Variants in CASS4 observed in about 807,000 individuals in gnomAD.
The protein encoded by CASS4 is Cas scaffold protein family member 4, also known as cas scaffolding protein family member 4.
A neutral mutation model predicts 54.2 loss-of-function variants in CASS4; 22 were observed. The ratio of observed to expected loss-of-function variants is 0.41; its 90% CI spans 0.29 to 0.58. CASS4 has a LOEUF of 0.58. CASS4 is among the 20% of genes least tolerant of loss of function. The probability of loss-of-function intolerance (pLI) is 0.36; values close to 1 mark genes in which losing one functional copy is unlikely to be tolerated. For missense variants in CASS4, 854 were observed against 986.7 expected, an observed-to-expected ratio of 0.87 and a Z score of 1.80; for synonymous variants, 409 against 391.5, an observed-to-expected ratio of 1.04 and a Z score of -0.53.
At chr20:56,455,696 G>A (rs1054862098) in intron 5 of CASS4, among the ~76,000 whole-genome samples, 39 of 152,280 alleles carry the variant, frequency 2.6e-4, no homozygotes, top group African/African-American at 7.9e-4. Flanking sequence ...TTGGGAGGCC[G>A]AGGCGGGTGG....
Position 56,458,363 on chromosome 20 carries a change from G to A in CASS4, c.1977G>A (p.Gln659=), listed in dbSNP as rs1331034271. 2.5e-6 allele frequency: 4 copies of A among 1,612,656 alleles called. No individual in the cohort carries two copies. The highest frequency in any genetic ancestry group is 2.7e-5 in the African/African-American group (2 of 74,826). The change falls in exon 6 of 6, where the codon CAG becomes CAA. Residue 659 remains glutamine, a synonymous_variant. Transcript: ENST00000679887. ...CGQNPGPLIP[Q]PSSQQTPERK... Reference sequence around the variant, plus strand: ...AGAATCCTGGCCCTCTTATACCTCAGCCTTCGAGTCAACAGACTCCTGAGA... The same window carrying A: ...AGAATCCTGGCCCTCTTATACCTCAACCTTCGAGTCAACAGACTCCTGAGA...
chr20:56,435,624 T>A (rs781416926), intron 1 of CASS4, among the ~76,000 whole-genome samples: 2 of 152,248 alleles, frequency 1.3e-5, no homozygotes, highest in Admixed American at 6.5e-5. Flanking sequence ...CGACTTTTTT[T>A]AGAACTGTGT....
intron 2 of CASS4, among the ~76,000 whole-genome samples, chr20:56,442,950 T>A (rs1281909165): frequency 6.6e-6 from 1 of 151,808 alleles, no homozygotes; most frequent in East Asian, 1.9e-4. Context: ...GAAAGTCCCT[T>A]TGCTCTGTGG....
intron 1 of CASS4, among the ~76,000 whole-genome samples, chr20:56,429,507 ACAGCAT>A (rs1192989876): frequency 1.3e-5 from 2 of 152,048 alleles, no homozygotes; most frequent in East Asian, 3.9e-4. Context: ...CCACCTATAA[ACAGCAT>A]CCGCTATGGA....
At chr20:56,435,535 A>G (rs55896430) in intron 1 of CASS4, among the ~76,000 whole-genome samples, 2,221 of 152,322 alleles carry the variant, frequency 0.015, 28 homozygotes, top group African/African-American at 0.026. Context: ...AAACCTAAAG[A>G]AACAAGTTGC....
Position 56,414,910 on chromosome 20 carries a change from A to G in CASS4, c.36+2416A>G, listed in dbSNP as rs982786923. 1.3e-5 allele frequency among the ~76,000 whole-genome samples: 2 copies of G among 152,188 alleles called. No individual in the cohort carries two copies. ...TAGCCAACCCTTACCGATTGTCTACATGTGAGGCCCTGTGCTGAGTGCTCT... is the reference window on the plus strand; with the variant it reads ...TAGCCAACCCTTACCGATTGTCTACGTGTGAGGCCCTGTGCTGAGTGCTCT... On this transcript the variant is annotated intron_variant, in intron 1 of 5. Transcript: ENST00000679887. The surrounding 1 kb of genome is among the most constrained non-coding windows in gnomAD (Gnocchi z 4.1).
intron 1 of CASS4, among the ~76,000 whole-genome samples, chr20:56,419,897 G>A (rs1979333479): frequency 1.3e-5 from 2 of 152,166 alleles, no homozygotes; most frequent in African/African-American, 4.8e-5. Flanking sequence ...ACAAAAATTA[G>A]CTGGGCTTGG....
rs930994900 is a variant in CASS4 at position 56,452,262 on chromosome 20, T to A, written c.1086T>A (p.Ala362=). 2 of 1,613,830 alleles carry A rather than the reference T, an allele frequency of 1.2e-6. No individual in the cohort carries two copies. The highest frequency in any genetic ancestry group is 1.7e-6 in the Non-Finnish European group (2 of 1,180,038). Residue 362 remains alanine, a synonymous_variant, in exon 5 of 6, where the codon GCT becomes GCA. Coordinates refer to ENST00000679887, the MANE Select transcript of CASS4 (RefSeq NM_020356.4). Reference sequence around the variant, plus strand: ...AAGCAACGTCGAGTGTTTCTCAGGCTGGGAAGGAGCTGGAGAAAGCCAAGG... The same window carrying A: ...AAGCAACGTCGAGTGTTTCTCAGGCAGGGAAGGAGCTGGAGAAAGCCAAGG... ...IPKATSSVSQ[A]GKELEKAKEV...
intron 2 of CASS4, among the ~76,000 whole-genome samples, chr20:56,442,394 A>G (rs1980503080): frequency 6.6e-6 from 1 of 151,562 alleles, no homozygotes; most frequent in Non-Finnish European, 1.5e-5. Flanking sequence ...GACTTCCATC[A>G]CCCCCCAAAA....
At chr20:56,454,425 C>A (rs1981189006) in intron 5 of CASS4, among the ~76,000 whole-genome samples, 2 of 152,168 alleles carry the variant, frequency 1.3e-5, no homozygotes, top group South Asian at 4.1e-4. Context: ...AATTTACATA[C>A]ACATATATAT....
At chr20:56,435,492 G>T (rs1177579908) in intron 1 of CASS4, among the ~76,000 whole-genome samples, 2 of 152,116 alleles carry the variant, frequency 1.3e-5, no homozygotes, top group African/African-American at 4.8e-5. Flanking sequence ...AACATGTATT[G>T]ATATAAAAAG....
At chr20:56,431,394 G>A (rs372552802) in intron 1 of CASS4, among the ~76,000 whole-genome samples, 20 of 152,126 alleles carry the variant, frequency 1.3e-4, no homozygotes, top group African/African-American at 4.8e-4. Context: ...TTAATTGATT[G>A]CATGAGCTGT....
At chr20:56,438,173 A>G (rs897948190) in intron 2 of CASS4, among the ~76,000 whole-genome samples, 1 of 151,944 alleles carries the variant, frequency 6.6e-6, no homozygotes, top group African/African-American at 2.4e-5. Flanking sequence ...TGTAGTCCCA[A>G]CTACTTAGTG....
rs150407383 is a variant in CASS4 at position 56,450,109 on chromosome 20, G to A, written c.562-490G>A. 5.1e-3 allele frequency among the ~76,000 whole-genome samples: 774 copies of A among 151,164 alleles called. 9 individuals are homozygous for A. The highest frequency in any genetic ancestry group is 0.017 in the African/African-American group (717 of 41,124). ...CACAATGGTGCGATCTTGGCTTACCGCAACCTCCACCTCCCAGGTTCAAGA... is the reference window on the plus strand; with the variant it reads ...CACAATGGTGCGATCTTGGCTTACCACAACCTCCACCTCCCAGGTTCAAGA... On this transcript the variant is annotated intron_variant, in intron 3 of 5. Transcript: ENST00000679887.
At chr20:56,436,355 T>TGA (rs1469654089) in intron 1 of CASS4, among the ~76,000 whole-genome samples, 1 of 145,134 alleles carries the variant, frequency 6.9e-6, no homozygotes, top group African/African-American at 2.6e-5. Flanking sequence ...TGTGTGTGTG[T>TGA]GTGTGTATAT....
rs773673853 is a variant in CASS4 at position 56,453,155 on chromosome 20, A to G, written c.1953+26A>G. 4.5e-6 allele frequency: 7 copies of G among 1,553,542 alleles called. No homozygotes were observed. In the Middle Eastern group the frequency reaches 5.0e-4, roughly 112 times the overall value. On this transcript the variant is annotated intron_variant, in intron 5 of 5. Transcript: ENST00000679887. Reference sequence around the variant, plus strand: ...GTGAGTTCAGAGTTCCAAGTGATCGAAAAAGGGGCTTCAATTGTTACCTGG... The same window carrying G: ...GTGAGTTCAGAGTTCCAAGTGATCGGAAAAGGGGCTTCAATTGTTACCTGG...
intron 1 of CASS4, among the ~76,000 whole-genome samples, chr20:56,428,671 TA>T (rs1168621084): frequency 6.6e-6 from 1 of 152,204 alleles, no homozygotes; most frequent in Non-Finnish European, 1.5e-5. Flanking sequence ...CAGCTGTCTT[TA>T]AACCAGCTCT....
intron 1 of CASS4, among the ~76,000 whole-genome samples, chr20:56,432,429 G>A (rs1049570951): frequency 2.1e-5 from 3 of 142,298 alleles, no homozygotes; most frequent in Admixed American, 7.4e-5. Flanking sequence ...GTGCAGTGGC[G>A]CGATCTTGGC....
At chr20:56,421,692 T>C (rs1467950270) in intron 1 of CASS4, among the ~76,000 whole-genome samples, 1 of 152,120 alleles carries the variant, frequency 6.6e-6, no homozygotes, top group Non-Finnish European at 1.5e-5. Flanking sequence ...TGAGACCCTG[T>C]CTCTAGAAAA....
Sources: gnomAD v4.1 joint callset for allele counts (sites outside exome capture counted in the v4.1 genomes callset) on GRCh38, gnomAD v4.1.1 for gene constraint, Gnocchi (gnomAD v3.1) non-coding constraint, MANE v1.5 for transcripts, NCBI Gene and HGNC (gene_info 2026-07-23, HGNC 2026-07-21) for gene names.